The following WSCD2 variants were observed in gnomAD, a reference collection of about 807,000 sequenced individuals.
The protein encoded by WSCD2 is sialate:O-sulfotransferase 2.
A neutral mutation model predicts 55.7 loss-of-function variants in WSCD2; 28 were observed. That is an observed-to-expected ratio of 0.50 (90% CI 0.37 to 0.69). WSCD2 has a LOEUF of 0.69. Ranked by LOEUF, WSCD2 falls within the 30% of genes least tolerant of loss-of-function variation. The pLI, the probability that WSCD2 is intolerant of heterozygous loss-of-function variation, is 0.00. For missense variants in WSCD2, 616 were observed against 762.1 expected, an observed-to-expected ratio of 0.81 and a Z score of 2.26; for synonymous variants, 301 against 301.9, an observed-to-expected ratio of 1.00 and a Z score of 0.03.
At chr12:108,235,882 A>G (rs1426370) in intron 7 of WSCD2, among the ~76,000 whole-genome samples, 114,146 of 151,992 alleles carry the variant, frequency 0.75, 43,046 homozygotes, top group East Asian at 0.86. Flanking sequence ...CAGTAGGGGT[A>G]TAGACAAAAT....
intron 1 of WSCD2, among the ~76,000 whole-genome samples, chr12:108,171,064 T>C (rs1592926625): frequency 6.6e-6 from 1 of 152,300 alleles, no homozygotes; most frequent in African/African-American, 2.4e-5. Flanking sequence ...AATCGCTGGG[T>C]ACCTGGACTA....
chr12:108,242,704 A>G (rs892931100), intron 8 of WSCD2, among the ~76,000 whole-genome samples: 10 of 152,310 alleles, frequency 6.6e-5, no homozygotes, highest in African/African-American at 2.4e-4. Flanking sequence ...GGTTTGCTGC[A>G]CAGATCAACC....
intron 1 of WSCD2, among the ~76,000 whole-genome samples, chr12:108,141,318 C>T (rs563726847): frequency 2.6e-5 from 4 of 152,106 alleles, no homozygotes; most frequent in African/African-American, 9.7e-5. Flanking sequence ...CTAGGCTGGT[C>T]CCGAACTCCT....
intron 1 of WSCD2, among the ~76,000 whole-genome samples, chr12:108,170,689 G>A (rs1231721916): frequency 1.3e-5 from 2 of 152,190 alleles, no homozygotes; most frequent in African/African-American, 4.8e-5. Flanking sequence ...GTCAATGTCT[G>A]ACATGATGCC....
chr12:108,233,020 CT>C, intron 7 of WSCD2, 125 bp downstream of exon 7: 1 of 1,287,980 alleles, frequency 7.8e-7, no homozygotes, highest in South Asian at 1.5e-5. Flanking sequence ...CCCAGGCACA[CT>C]TTTTGAGACT....
At chr12:108,181,898 AGG>A (rs1881819968) in intron 1 of WSCD2, among the ~76,000 whole-genome samples, 1 of 152,240 alleles carries the variant, frequency 6.6e-6, no homozygotes, top group African/African-American at 2.4e-5. Context: ...CAGTTACTGC[AGG>A]TAACTCTGCC....
In WSCD2 at chr12:108,129,796, A is replaced by T. The variant is rs1473623415; in HGVS notation, c.-682A>T. The T allele has an allele frequency of 6.6e-6, 1 of 152,214 alleles. No individual in the cohort carries two copies. The highest frequency in any genetic ancestry group is 2.4e-5 in the African/African-American group (1 of 41,440). The allele number at this position is 152,214 out of a possible 1,614,324, so 9.4% of individuals were successfully genotyped here. On this transcript the variant is annotated 5_prime_UTR_variant, in exon 1 of 9. Transcript: ENST00000547525. ...GGAAATCCAGGCTCCCCTTTCCTTAAAGCCACTGCAGCAGCTGGGAAGGCG... is the reference window on the plus strand; with the variant it reads ...GGAAATCCAGGCTCCCCTTTCCTTATAGCCACTGCAGCAGCTGGGAAGGCG...
At chr12:108,157,370 T>C (rs766492424) in intron 1 of WSCD2, among the ~76,000 whole-genome samples, 2 of 152,182 alleles carry the variant, frequency 1.3e-5, no homozygotes, top group Non-Finnish European at 2.9e-5. Context: ...GAGTTCACTC[T>C]GTGTTGCACA....
At chr12:108,205,102 G>A (rs149149914) in intron 2 of WSCD2, among the ~76,000 whole-genome samples, 150 of 152,262 alleles carry the variant, frequency 9.9e-4, no homozygotes, top group Non-Finnish European at 1.6e-3. Context: ...TTTCTGGGCC[G>A]CTGTTAAATC....
At chr12:108,131,413 T>G (rs1875490373) in intron 1 of WSCD2, among the ~76,000 whole-genome samples, 1 of 152,238 alleles carries the variant, frequency 6.6e-6, no homozygotes, top group African/African-American at 2.4e-5. Flanking sequence ...TTAAGAGACC[T>G]AGGTCTCAGA....
intron 1 of WSCD2, among the ~76,000 whole-genome samples, chr12:108,169,111 A>G (rs1475608556): frequency 6.6e-6 from 1 of 152,214 alleles, no homozygotes; most frequent in Non-Finnish European, 1.5e-5. Context: ...CACACGCCTT[A>G]TGAGAATCTA....
At chr12:108,143,421 G>T (rs920604485) in intron 1 of WSCD2, among the ~76,000 whole-genome samples, 2 of 152,100 alleles carry the variant, frequency 1.3e-5, no homozygotes, top group African/African-American at 4.8e-5. Flanking sequence ...CCAATAGCTG[G>T]GGAGGGGGTG....
At chr12:108,153,339 C>G (rs1468657335) in intron 1 of WSCD2, among the ~76,000 whole-genome samples, 1 of 152,178 alleles carries the variant, frequency 6.6e-6, no homozygotes, top group African/African-American at 2.4e-5. Context: ...ATCTCTGTAG[C>G]CCCATACTCC....
intron 1 of WSCD2, among the ~76,000 whole-genome samples, chr12:108,134,429 C>T (rs2136856761): frequency 6.6e-6 from 1 of 152,284 alleles, no homozygotes. Context: ...GTGTTTCTGC[C>T]ATGGCTAGGT....
intron 1 of WSCD2, among the ~76,000 whole-genome samples, chr12:108,191,687 T>C (rs1592978094): frequency 6.6e-6 from 1 of 152,282 alleles, no homozygotes. Flanking sequence ...CTCCTATGTA[T>C]CAAATAGCCT....
At chr12:108,237,515 G>A (rs936039503) in intron 7 of WSCD2, among the ~76,000 whole-genome samples, 3 of 152,324 alleles carry the variant, frequency 2.0e-5, no homozygotes, top group East Asian at 1.9e-4. Context: ...CGGCAATTCC[G>A]CTCTGGCTCA....
chr12:108,208,250 T>C (rs144627620), intron 3 of WSCD2, among the ~76,000 whole-genome samples: 5 of 152,358 alleles, frequency 3.3e-5, no homozygotes, highest in African/African-American at 1.2e-4. Flanking sequence ...CAACAGTTTA[T>C]AACAGTTAAA....
rs200195062 is a variant in WSCD2, at chr12:108,141,607, G to A, written c.-552+11681G>A. 4.0e-4 allele frequency among the ~76,000 whole-genome samples: 61 copies of A among 152,246 alleles called. 1 individual carries two copies. In the East Asian group the frequency reaches 9.7e-3, roughly 24 times the overall value. On this transcript the variant is annotated intron_variant, in intron 1 of 8. Transcript: ENST00000547525. ...TCATCACATCTTTGTCTCTGGCTGCGACTCTCCATCAGGACCCTGGTAATG... is the reference window on the plus strand; with the variant it reads ...TCATCACATCTTTGTCTCTGGCTGCAACTCTCCATCAGGACCCTGGTAATG...
chr12:108,229,091 T>C (rs1413510688), intron 6 of WSCD2, among the ~76,000 whole-genome samples: 1 of 152,190 alleles, frequency 6.6e-6, no homozygotes, highest in African/African-American at 2.4e-5. Context: ...AGGCCATTAC[T>C]AGGGCTTCCA....
Sources: gnomAD v4.1 joint callset for allele counts (sites outside exome capture counted in the v4.1 genomes callset) on GRCh38, gnomAD v4.1.1 for gene constraint, MANE v1.5 for transcripts, NCBI Gene and HGNC (gene_info 2026-07-23, HGNC 2026-07-21) for gene names.